Variants in USH2A observed in about 807,000 individuals in gnomAD.
The protein encoded by USH2A is usherin, also known as Usher syndrome 2A (autosomal recessive, mild).
USH2A carries 443 observed loss-of-function variants against 538.9 expected under a neutral mutation model. The ratio of observed to expected loss-of-function variants is 0.82; its 90% CI spans 0.76 to 0.89. The LOEUF is 0.89. USH2A is among the 40% of genes least tolerant of loss of function. USH2A has a pLI of 0.00. For missense variants in USH2A, 6,633 were observed against 6,324.8 expected, an observed-to-expected ratio of 1.05 and a Z score of -1.65; for synonymous variants, 2,413 against 2,273.5, an observed-to-expected ratio of 1.06 and a Z score of -1.75.
intron 61 of USH2A, among the ~76,000 whole-genome samples, chr1:215,720,491 C>T (rs979081324): frequency 2.6e-5 from 4 of 152,134 alleles, no homozygotes; most frequent in African/African-American, 9.7e-5. Context: ...GAAGCTAATA[C>T]CTGTGTCTTA....
chr1:215,996,011 A>G (rs1668126433), intron 34 of USH2A, among the ~76,000 whole-genome samples: 1 of 152,160 alleles, frequency 6.6e-6, no homozygotes, highest in Non-Finnish European at 1.5e-5. Flanking sequence ...CTCGGGTTCA[A>G]GGGATTATCG....
At chr1:216,399,012 T>C (rs1447390465) in intron 3 of USH2A, among the ~76,000 whole-genome samples, 2 of 152,144 alleles carry the variant, frequency 1.3e-5, no homozygotes. Flanking sequence ...CTCCAACTCT[T>C]TACTAAGTTA....
intron 32 of USH2A, among the ~76,000 whole-genome samples, chr1:216,039,325 G>T (rs1318850910): frequency 6.6e-6 from 1 of 151,910 alleles, no homozygotes; most frequent in African/African-American, 2.4e-5. Flanking sequence ...CTTGACTTTT[G>T]TTCCTTCGTG....
intron 46 of USH2A, among the ~76,000 whole-genome samples, chr1:215,843,924 GA>G (rs2102821423): frequency 6.6e-6 from 1 of 152,130 alleles, no homozygotes; most frequent in East Asian, 1.9e-4. Flanking sequence ...GGAGAAATGG[GA>G]AGAGAAAAAA....
chr1:215,860,997 A>T (rs1410835860), intron 44 of USH2A, among the ~76,000 whole-genome samples: 1 of 152,194 alleles, frequency 6.6e-6, no homozygotes, highest in Non-Finnish European at 1.5e-5. Flanking sequence ...GGAAAATTTG[A>T]GCTTGTCAAA....
At chr1:216,102,377 T>G (rs1175446604) in intron 21 of USH2A, among the ~76,000 whole-genome samples, 2 of 149,310 alleles carry the variant, frequency 1.3e-5, no homozygotes, top group African/African-American at 4.9e-5. Flanking sequence ...TATTTTTATA[T>G]ATAATATTAA....
intron 35 of USH2A, among the ~76,000 whole-genome samples, chr1:215,983,509 T>C (rs1329379340): frequency 1.3e-5 from 2 of 152,170 alleles, no homozygotes; most frequent in Non-Finnish European, 2.9e-5. Context: ...GTCTATTGTA[T>C]TGAAACAAAG....
intron 36 of USH2A, among the ~76,000 whole-genome samples, chr1:215,970,038 T>C (rs1667453465): frequency 6.6e-6 from 1 of 152,180 alleles, no homozygotes; most frequent in African/African-American, 2.4e-5. Flanking sequence ...CATAATCTTG[T>C]CAAGCTGTTA....
At chr1:215,903,530 C>G (rs1341031580) in intron 38 of USH2A, among the ~76,000 whole-genome samples, 1 of 152,020 alleles carries the variant, frequency 6.6e-6, no homozygotes, top group Non-Finnish European at 1.5e-5. Context: ...ATTGCCAGAG[C>G]AAAGTCCTAG....
intron 22 of USH2A, among the ~76,000 whole-genome samples, chr1:216,096,410 A>C (rs1191646425): frequency 1.3e-5 from 2 of 152,134 alleles, no homozygotes; most frequent in Non-Finnish European, 2.9e-5. Context: ...TGAAATATAC[A>C]CCCTCAAATA....
intron 12 of USH2A, among the ~76,000 whole-genome samples, chr1:216,249,849 T>A (rs2036124861): frequency 6.6e-6 from 1 of 152,042 alleles, no homozygotes; most frequent in African/African-American, 2.4e-5. Context: ...CATATGCATG[T>A]GTACATGTAA....
chr1:215,772,876 A>T (rs1471083759), intron 55 of USH2A, among the ~76,000 whole-genome samples: 1 of 152,212 alleles, frequency 6.6e-6, no homozygotes, highest in African/African-American at 2.4e-5. Flanking sequence ...AAGCACTGAG[A>T]GGCCTGAGTT....
rs1026414188 is a variant in USH2A at position 215,975,636 on chromosome 1, T to G, written c.6806-4860A>C. ...GATCAGATAGCTGTAGGTGCACAGCTGTATTTCTAGATTCTCTTTTCTGTT... is the reference window on the plus strand; with the variant it reads ...GATCAGATAGCTGTAGGTGCACAGCGGTATTTCTAGATTCTCTTTTCTGTT... On this transcript the variant is annotated intron_variant, in intron 35 of 71. Transcript: ENST00000307340. Among the ~76,000 whole-genome samples, 3 of 152,296 alleles carry G rather than the reference T, an allele frequency of 2.0e-5. No homozygotes were observed. In the South Asian group the frequency reaches 6.2e-4, roughly 32 times the overall value.
At chr1:216,364,351 T>C (rs1319711502) in intron 4 of USH2A, among the ~76,000 whole-genome samples, 1 of 152,156 alleles carries the variant, frequency 6.6e-6, no homozygotes, top group African/African-American at 2.4e-5. Flanking sequence ...TATTACACAT[T>C]GAAATTACTT....
At chr1:215,718,375 T>G (rs555160398) in intron 61 of USH2A, among the ~76,000 whole-genome samples, 1 of 152,336 alleles carries the variant, frequency 6.6e-6, no homozygotes, top group East Asian at 1.9e-4. Flanking sequence ...GTAATATTTT[T>G]CTAGGCTTCA....
At chr1:216,029,177 C>G (rs1419104285) in intron 32 of USH2A, among the ~76,000 whole-genome samples, 1 of 152,050 alleles carries the variant, frequency 6.6e-6, no homozygotes, top group Non-Finnish European at 1.5e-5. Context: ...TTAAGACTCT[C>G]TCCACCTTTG....
intron 61 of USH2A, among the ~76,000 whole-genome samples, chr1:215,715,478 G>A (rs1008590494): frequency 6.6e-6 from 1 of 152,138 alleles, no homozygotes; most frequent in African/African-American, 2.4e-5. Context: ...CTCACTATGG[G>A]TTGTGACACT....
intron 11 of USH2A, among the ~76,000 whole-genome samples, chr1:216,274,289 C>A (rs2102585481): frequency 6.6e-6 from 1 of 152,170 alleles, no homozygotes; most frequent in East Asian, 1.9e-4. Flanking sequence ...AATATAAGTT[C>A]TAGAAATAGA....
At chr1:215,952,904 T>C (rs576681014) in intron 37 of USH2A, among the ~76,000 whole-genome samples, 1 of 152,250 alleles carries the variant, frequency 6.6e-6, no homozygotes, top group South Asian at 2.1e-4. Context: ...ATCACAAGCA[T>C]TCTTATACAC....
Sources: gnomAD v4.1 joint callset for allele counts (sites outside exome capture counted in the v4.1 genomes callset) on GRCh38, gnomAD v4.1.1 for gene constraint, MANE v1.5 for transcripts, NCBI Gene and HGNC (gene_info 2026-07-23, HGNC 2026-07-21) for gene names.